The following FHAD1 variants were observed in gnomAD, a reference collection of about 807,000 sequenced individuals.
FHAD1 encodes forkhead associated phosphopeptide binding domain 1.
A neutral mutation model predicts 191.3 loss-of-function variants in FHAD1; 146 were observed. That is an observed-to-expected ratio of 0.76 (90% confidence interval 0.67 to 0.88). FHAD1 has a LOEUF of 0.88. FHAD1 is among the 40% of genes least tolerant of loss of function. The pLI is 0.00. For missense variants in FHAD1, 1,635 were observed against 1,785.8 expected, an observed-to-expected ratio of 0.92 and a Z score of 1.52; for synonymous variants, 616 against 672.3, an observed-to-expected ratio of 0.92 and a Z score of 1.29.
chr1:15,298,061 A>G (rs1347889420), intron 5 of FHAD1, among the ~76,000 whole-genome samples: 1 of 152,196 alleles, frequency 6.6e-6, no homozygotes, highest in African/African-American at 2.4e-5. Flanking sequence ...TCATTATTCA[A>G]AAAAGATACT....
At chr1:15,341,421 C>A (rs1208738118) in intron 15 of FHAD1, among the ~76,000 whole-genome samples, 1 of 152,226 alleles carries the variant, frequency 6.6e-6, no homozygotes, top group Non-Finnish European at 1.5e-5. Context: ...TACTGAACAC[C>A]TACTATGTGC....
intron 3 of FHAD1, among the ~76,000 whole-genome samples, chr1:15,279,330 A>G (rs1659633893): frequency 6.6e-6 from 1 of 152,108 alleles, no homozygotes; most frequent in South Asian, 2.1e-4. Context: ...AAAGAAGGAG[A>G]AGAAGAAGTA....
rs189597034 is a variant in FHAD1 at position 15,345,072 on chromosome 1, T to C, written c.2131-11T>C. The C allele has an allele frequency of 3.1e-5, 48 of 1,543,886 alleles. No individual in the cohort carries two copies. The East Asian group carries it at 8.8e-4, about 28-fold the overall frequency. On this transcript the variant is annotated splice_polypyrimidine_tract_variant and intron_variant, in intron 16 of 33. Transcript: ENST00000688493. Reference sequence around the variant, plus strand: ...AACCATGTCTGTTAAACAATGGTCATTGGTTTCCAGGCTTTGGAGGAGTAC... The same window carrying C: ...AACCATGTCTGTTAAACAATGGTCACTGGTTTCCAGGCTTTGGAGGAGTAC...
chr1:15,363,767 A>G (rs544446433), intron 23 of FHAD1: 1 of 456,408 alleles, frequency 2.2e-6, no homozygotes, highest in Admixed American at 2.3e-5. Context: ...TCTATCCTCA[A>G]AGAACTGACA....
intron 20 of FHAD1, among the ~76,000 whole-genome samples, chr1:15,354,447 G>A (rs528970927): frequency 3.3e-5 from 5 of 152,276 alleles, no homozygotes; most frequent in African/African-American, 1.2e-4. Context: ...AAGTGATGCC[G>A]GACTTGTCAG....
At chr1:15,395,307 CAAA>C (rs34527814) in intron 33 of FHAD1, among the ~76,000 whole-genome samples, 4 of 101,432 alleles carry the variant, frequency 3.9e-5, no homozygotes, top group Non-Finnish European at 4.2e-5. Context: ...GACTCCATCT[CAAA>C]AAAAAAAAAA....
rs1439667621 is a variant in FHAD1 at position 15,341,916 on chromosome 1, C to T, written c.2130+28C>T. On this transcript the variant is annotated intron_variant, in intron 16 of 33. Transcript: ENST00000688493. ...AAGGTGGTCCCTGCCATTTGCTTTACTACTGGAAACTGATGAAATGGCCTT... is the reference window on the plus strand; with the variant it reads ...AAGGTGGTCCCTGCCATTTGCTTTATTACTGGAAACTGATGAAATGGCCTT... The T allele has an allele frequency of 2.6e-6, 4 of 1,538,500 alleles. No homozygotes were observed. The Admixed American group carries it at 8.2e-5, about 32-fold the overall frequency.
At position 15,346,181 on chromosome 1, in the gene FHAD1, G is replaced by C. The variant is rs944895920; in HGVS notation, c.2346+658G>C. Among the ~76,000 whole-genome samples, 13 of 152,310 alleles carry C rather than the reference G, an allele frequency of 8.5e-5. 1 individual carries two copies. In the South Asian group the frequency reaches 2.5e-3, roughly 29 times the overall value. ...TCCTCAGGTCCCTCACAGGACTAGA[G>C]CCTGGCCCTGGCTGCCTCCTGTGGC... On this transcript the variant is annotated intron_variant, in intron 18 of 33. Coordinates refer to ENST00000688493, the MANE Select transcript of FHAD1 (RefSeq NM_001391957.1).
intron 28 of FHAD1, among the ~76,000 whole-genome samples, chr1:15,378,069 C>T (rs34974656): frequency 0.06 from 9,097 of 152,114 alleles, 318 homozygotes; most frequent in Non-Finnish European, 0.064. Flanking sequence ...TTTGGGAGGC[C>T]GAGGCAGGCA....
At position 15,312,532 on chromosome 1, in the gene FHAD1, C is replaced by T. The variant is rs995120553; in HGVS notation, c.1040-525C>T. On this transcript the variant is annotated intron_variant, in intron 7 of 33. Coordinates refer to ENST00000688493, the MANE Select transcript of FHAD1 (RefSeq NM_001391957.1). The surrounding 1 kb of genome is among the most constrained non-coding windows in gnomAD (Gnocchi z 4.7). ...CAAAAATTAGCCAGGCATAGTGGCA[C>T]GTACCTGTAGTCCTAGCTACTTGGG... 1.2e-4 allele frequency among the ~76,000 whole-genome samples: 19 copies of T among 152,132 alleles called. No individual in the cohort carries two copies. The highest frequency in any genetic ancestry group is 4.3e-4 in the African/African-American group (18 of 41,416).
chr1:15,297,761 A>C (rs969933902), intron 5 of FHAD1, among the ~76,000 whole-genome samples: 4 of 151,920 alleles, frequency 2.6e-5, no homozygotes, highest in Admixed American at 6.5e-5. Context: ...CCTCATTCCC[A>C]TGTCTGGGAC....
chr1:15,358,344 C>A (rs1407748552), intron 21 of FHAD1, 61 bp downstream of exon 21: 1 of 1,469,690 alleles, frequency 6.8e-7, no homozygotes, highest in East Asian at 2.5e-5. Flanking sequence ...TACAGTGCCA[C>A]GAGAATGTGT....
intron 10 of FHAD1, among the ~76,000 whole-genome samples, chr1:15,320,066 A>G (rs1007347998): frequency 6.6e-6 from 1 of 152,204 alleles, no homozygotes; most frequent in African/African-American, 2.4e-5. Flanking sequence ...TATTATTCAG[A>G]TCAAAATATT....
chr1:15,265,706 T>C (rs1422084067), intron 2 of FHAD1, among the ~76,000 whole-genome samples: 1 of 152,144 alleles, frequency 6.6e-6, no homozygotes, highest in East Asian at 1.9e-4. Context: ...GTGCGGTGGC[T>C]CACACCTGTA....
chr1:15,382,156 A>G lies in FHAD1; in HGVS notation c.4151A>G (p.Gln1384Arg), dbSNP rs191521494. The G allele has an allele frequency of 2.6e-4, 396 of 1,551,942 alleles. 1 individual carries two copies. The African/African-American group carries it at 4.7e-3, about 18-fold the overall frequency. ...ALERMEHQLCQEKRINRAIRQ... is the reference protein window; with the variant it reads ...ALERMEHQLCREKRINRAIRQ... ...GAGCGCATGGAGCACCAGCTGTGCC[A>G]GGAGAAGAGGATCAACAGGGCCATC... The change falls in exon 31 of 34, where the codon CAG becomes CGG. Residue 1384 changes from glutamine (Q) to arginine (R), a missense_variant. Coordinates refer to ENST00000688493, the MANE Select transcript of FHAD1 (RefSeq NM_001391957.1).
chr1:15,385,259 G>A (rs977751886), intron 31 of FHAD1, among the ~76,000 whole-genome samples: 4 of 152,062 alleles, frequency 2.6e-5, no homozygotes, highest in African/African-American at 9.7e-5. Context: ...CCTAGGAGAG[G>A]AAAGTAGAAT....
intron 14 of FHAD1, chr1:15,334,238 C>T (rs1189391627): frequency 6.6e-6 from 1 of 152,122 alleles, no homozygotes; most frequent in Non-Finnish European, 1.5e-5. Flanking sequence ...GACCCTAACA[C>T]CTGTGTCTTC....
chr1:15,317,891 A>G lies in FHAD1; in HGVS notation c.1328A>G (p.Gln443Arg), dbSNP rs1401694932. 4.5e-6 allele frequency: 7 copies of G among 1,551,618 alleles called. No homozygotes were observed. The East Asian group carries it at 7.3e-5, about 16-fold the overall frequency. Residue 443 changes from glutamine to arginine, a missense_variant, in exon 10 of 34, where the codon CAA becomes CGA. Transcript: ENST00000688493. ...GAGCTGAGGAAGAGTTGTACTGAAC[A>G]AAGCGTGATCTCTAGGACTCTGAGA... ...RAELRKSCTEQSVISRTLREK... is the reference protein window; with the variant it reads ...RAELRKSCTERSVISRTLREK...
At chr1:15,296,082 G>A (rs1308063988) in intron 4 of FHAD1, among the ~76,000 whole-genome samples, 1 of 152,116 alleles carries the variant, frequency 6.6e-6, no homozygotes, top group Non-Finnish European at 1.5e-5. Context: ...TAAACGATCT[G>A]CCCAAGATCA....
Sources: allele counts gnomAD v4.1 joint callset (sites outside exome capture counted in the v4.1 genomes callset), GRCh38; gene constraint gnomAD v4.1.1; non-coding constraint Gnocchi (gnomAD v3.1); transcripts MANE v1.5; gene names NCBI Gene and HGNC (gene_info 2026-07-23, HGNC 2026-07-21).